Variants in NRXN3 observed in about 807,000 individuals in gnomAD.
NRXN3 encodes the protein neurexin 3, also known as neurexin III.
NRXN3 carries 32 observed loss-of-function variants against 137.6 expected under a neutral mutation model. The ratio of observed to expected loss-of-function variants is 0.23; its 90% CI spans 0.18 to 0.31. The LOEUF is 0.31. NRXN3 is among the 10% of genes least tolerant of loss of function. The probability of loss-of-function intolerance (pLI) is 1.00; values close to 1 mark genes in which losing one functional copy is unlikely to be tolerated. For missense variants in NRXN3, 1,574 were observed against 2,062.5 expected (o/e 0.76, Z 4.59); for synonymous variants, 798 against 784.5 (o/e 1.02, Z -0.29).
At chr14:79,098,052 C>CTTT (rs1335223401) in intron 15 of NRXN3, among the ~76,000 whole-genome samples, 1 of 152,162 alleles carries the variant, frequency 6.6e-6, no homozygotes, top group East Asian at 1.9e-4. Context: ...GCTGCCTAAA[C>CTTT]CTACACTGTA....
intron 8 of NRXN3, among the ~76,000 whole-genome samples, chr14:78,723,307 G>A (rs56347041): frequency 0.021 from 3,150 of 152,294 alleles, 111 homozygotes; most frequent in African/African-American, 0.071. Flanking sequence ...AGAAACAAGA[G>A]TGGAGGTCGA....
At chr14:78,990,361 A>ATTTTTTTTTTTT (rs1163720240) in intron 15 of NRXN3, among the ~76,000 whole-genome samples, 2 of 76,070 alleles carry the variant, frequency 2.6e-5, no homozygotes, top group African/African-American at 5.4e-5. Flanking sequence ...GTTCACATCT[A>ATTTTTTTTTTTT]TTTTTTTTTT....
At chr14:79,272,395 A>G (rs2079492107) in intron 15 of NRXN3, among the ~76,000 whole-genome samples, 1 of 152,136 alleles carries the variant, frequency 6.6e-6, no homozygotes, top group African/African-American at 2.4e-5. Context: ...GTTTCTTTGT[A>G]TCCTGAGTGG....
intron 2 of NRXN3, among the ~76,000 whole-genome samples, chr14:78,274,388 G>T (rs145493859): frequency 0.011 from 1,689 of 152,274 alleles, 34 homozygotes; most frequent in African/African-American, 0.039. Context: ...AGGGGGAAAA[G>T]CCCCTTATAA....
At chr14:78,192,790 G>A (rs1319447523) in intron 1 of NRXN3, among the ~76,000 whole-genome samples, 1 of 152,174 alleles carries the variant, frequency 6.6e-6, no homozygotes, top group Non-Finnish European at 1.5e-5. Context: ...AGAGGGCAGG[G>A]GTAGGAGAGG....
At chr14:78,237,062 AAC>A (rs1341547076) in intron 1 of NRXN3, among the ~76,000 whole-genome samples, 2 of 152,162 alleles carry the variant, frequency 1.3e-5, no homozygotes, top group African/African-American at 4.8e-5. Context: ...CCACCTGCAA[AAC>A]ACACAAGAAG....
intron 15 of NRXN3, among the ~76,000 whole-genome samples, chr14:79,377,391 C>T (rs976890264): frequency 7.9e-5 from 12 of 152,034 alleles, no homozygotes; most frequent in African/African-American, 1.9e-4. Context: ...TTTTTATTTC[C>T]GGTACTGATG....
intron 4 of NRXN3, among the ~76,000 whole-genome samples, chr14:78,346,873 T>G (rs1296968802): frequency 6.6e-6 from 1 of 152,132 alleles, no homozygotes; most frequent in African/African-American, 2.4e-5. Flanking sequence ...GGCAGAGGCT[T>G]GTCCACTAAA....
At chr14:79,017,551 C>G (rs1037634023) in intron 15 of NRXN3, among the ~76,000 whole-genome samples, 22 of 152,162 alleles carry the variant, frequency 1.4e-4, no homozygotes, top group African/African-American at 5.1e-4. Context: ...GAAAGTCACT[C>G]TAGACAAGAA....
intron 2 of NRXN3, among the ~76,000 whole-genome samples, chr14:78,266,773 C>A (rs150233983): frequency 6.6e-6 from 1 of 152,118 alleles, no homozygotes; most frequent in African/African-American, 2.4e-5. Flanking sequence ...AGCTTTACAA[C>A]ACCTCCTTAC....
At chr14:78,177,557 G>A (rs1484141812) in intron 1 of NRXN3, among the ~76,000 whole-genome samples, 1 of 152,100 alleles carries the variant, frequency 6.6e-6, no homozygotes, top group East Asian at 1.9e-4. Flanking sequence ...TTGTCCTAGT[G>A]TAATTAGTAA....
chr14:79,326,982 A>G (rs1462648976), intron 15 of NRXN3, among the ~76,000 whole-genome samples: 2 of 152,194 alleles, frequency 1.3e-5, no homozygotes, highest in African/African-American at 4.8e-5. Flanking sequence ...AAATTTAAAA[A>G]AAAGTGCTCA....
At chr14:79,632,867 A>G (rs1030715084) in intron 16 of NRXN3, among the ~76,000 whole-genome samples, 7 of 152,190 alleles carry the variant, frequency 4.6e-5, no homozygotes, top group Admixed American at 6.5e-5. Context: ...TTCCAAAGCC[A>G]CAGGTTTACT....
At chr14:79,584,739 T>C (rs900972427) in intron 16 of NRXN3, among the ~76,000 whole-genome samples, 3 of 152,040 alleles carry the variant, frequency 2.0e-5, no homozygotes, top group Non-Finnish European at 4.4e-5. Flanking sequence ...GGAGTGACAA[T>C]AGAAGAGCCT....
chr14:78,717,489 A>G (rs1333507920), intron 8 of NRXN3, among the ~76,000 whole-genome samples: 1 of 152,154 alleles, frequency 6.6e-6, no homozygotes, highest in Non-Finnish European at 1.5e-5. Context: ...TTGTTCCCCT[A>G]CTAATTGTTT....
chr14:79,220,108 G>A (rs1245182099), intron 15 of NRXN3, among the ~76,000 whole-genome samples: 1 of 152,158 alleles, frequency 6.6e-6, no homozygotes, highest in African/African-American at 2.4e-5. Context: ...TTGGAAAACT[G>A]CATGCTATCT....
chr14:78,456,081 G>A (rs577914846), intron 4 of NRXN3, among the ~76,000 whole-genome samples: 7 of 152,262 alleles, frequency 4.6e-5, no homozygotes, highest in African/African-American at 1.7e-4. Flanking sequence ...TCTTTCCAAA[G>A]CCTGTCAATG....
intron 15 of NRXN3, among the ~76,000 whole-genome samples, chr14:79,008,681 C>T (rs1229864564): frequency 1.6e-5 from 2 of 124,768 alleles, no homozygotes; most frequent in African/African-American, 6.7e-5. Flanking sequence ...TTTTTTTTGA[C>T]AGAGTTTCGC....
At chr14:78,554,413 C>T (rs924414503) in intron 4 of NRXN3, among the ~76,000 whole-genome samples, 3 of 152,140 alleles carry the variant, frequency 2.0e-5, no homozygotes, top group African/African-American at 7.2e-5. Flanking sequence ...CACTGCTGCT[C>T]TCTGGTTTAC....
Sources: allele counts gnomAD v4.1 joint callset (sites outside exome capture counted in the v4.1 genomes callset), GRCh38; gene constraint gnomAD v4.1.1; transcripts MANE v1.5; gene names NCBI Gene and HGNC (gene_info 2026-07-23, HGNC 2026-07-21).